MUC5AC: variants seen among roughly 807,000 people sequenced by gnomAD.
MUC5AC encodes mucin-5AC.
In MUC5AC, 158 loss-of-function variants were observed where a neutral mutation model predicts 169.7. The observed-to-expected ratio is 0.93, with a 90% confidence interval of 0.82 to 1.06. The LOEUF (loss-of-function observed/expected upper bound fraction) is 1.06. MUC5AC is among the 50% of genes least tolerant of loss of function. The pLI is 0.00. For missense variants in MUC5AC, 4,359 were observed against 3,089.9 expected (o/e 1.41, Z -9.74); for synonymous variants, 1,975 against 1,237.0 (o/e 1.60, Z -12.52).
Position 1,177,429 on chromosome 11 carries a change from C to A in MUC5AC, c.2908-25C>A, listed in dbSNP as rs1317800749. The A allele has an allele frequency of 1.0e-5, 4 of 400,314 alleles. No individual in the cohort carries two copies. The East Asian group carries it at 1.4e-4, about 14-fold the overall frequency. The allele number at this position is 400,314 out of a possible 1,614,324, so 24.8% of individuals were successfully genotyped here. A position where few individuals can be genotyped will look rare whatever the true frequency, so the allele number is the denominator to read the frequency against. On this transcript the variant is annotated intron_variant, in intron 23 of 48. Coordinates refer to ENST00000621226, the MANE Select transcript of MUC5AC (RefSeq NM_001304359.2). Reference sequence around the variant, plus strand: ...GGTGGGCTGGGGTTCTTGCTGGGGGCCCTGAGTGACCCCTTGCCATGCAGG... The same window carrying A: ...GGTGGGCTGGGGTTCTTGCTGGGGGACCTGAGTGACCCCTTGCCATGCAGG...
rs772205747 is a variant in MUC5AC at position 1,164,191 on chromosome 11, G to A, written c.875G>A (p.Arg292Lys). 2.8e-5 allele frequency: 45 copies of A among 1,612,468 alleles called. No homozygotes were observed. Among genetic ancestry groups the A allele is most frequent in the Non-Finnish European group, 3.6e-5 (43 of 1,179,886 alleles). The change falls in exon 8 of 49, where the codon AGG becomes AAG. Residue 292 changes from arginine to lysine, a missense_variant. By Grantham distance (26) the Arg-to-Lys change is conservative. Transcript: ENST00000621226. ...VDVGSYLEAC[R>K]QDLCFCEDTD... Reference sequence around the variant, plus strand: ...GTCGGCAGCTACCTGGAGGCTTGCAGGCAAGACCTCTGCTTCTGTGAAGAC... The same window carrying A: ...GTCGGCAGCTACCTGGAGGCTTGCAAGCAAGACCTCTGCTTCTGTGAAGAC...
chr11:1,191,184 C>T lies in MUC5AC; in HGVS notation c.13039C>T (p.Pro4347Ser), dbSNP rs1299410515. ...TTSGPGSTPS[P>S]VPTTSTTSAP... Reference sequence around the variant, plus strand: ...CTCTGGTCCTGGAAGTACTCCCAGCCCTGTTCCCACCACCAGCACAACCTC... The same window carrying T: ...CTCTGGTCCTGGAAGTACTCCCAGCTCTGTTCCCACCACCAGCACAACCTC... Residue 4347 changes from proline to serine, a missense_variant, in exon 31 of 49, where the codon CCT becomes TCT. Pro to Ser is a moderately conservative substitution (Grantham distance 74, BLOSUM62 -1). Coordinates refer to ENST00000621226, the MANE Select transcript of MUC5AC (RefSeq NM_001304359.2). 9.5e-6 allele frequency: 7 copies of T among 740,512 alleles called. No homozygotes were observed. The East Asian group carries it at 1.2e-4, about 13-fold the overall frequency. The allele number at this position is 740,512 out of a possible 1,614,324, so 45.9% of individuals were successfully genotyped here.
At position 1,195,062 on chromosome 11, in the gene MUC5AC, G is replaced by A. The variant is rs1473941698; in HGVS notation, c.15241G>A (p.Val5081Met). The A allele has an allele frequency of 1.3e-6, 1 of 754,342 alleles. No homozygotes were observed. 46.7% of individuals were successfully genotyped at this position (754,342 alleles called of 1,614,324 possible). A position where few individuals can be genotyped will look rare whatever the true frequency, so the allele number is the denominator to read the frequency against. ...TGAGTGCCGCACGCCTAGGGGGACG[G>A]TGGTCGCTTCCTGCTCCGAGATGTC... is the stretch of plus-strand genomic sequence containing the variant. ...KDECRTPRGT[V>M]VASCSEMSGL... The change falls in exon 36 of 49, where the codon GTG (valine) becomes ATG (methionine). Residue 5081 changes from valine (V) to methionine (M), a missense_variant. By Grantham distance (21) the Val-to-Met change is conservative. Transcript: ENST00000621226.
chr11:1,187,678 C>A lies in MUC5AC; in HGVS notation c.9533C>A (p.Thr3178Asn). Reference protein sequence around the residue: ...PRTSTTSASTTSTTPGPGTTP... With the variant: ...PRTSTTSASTNSTTPGPGTTP... ...ACCAGCACCACTTCTGCCTCTACAA[C>A]CAGCACAACCCCTGGTCCTGGAACC... Residue 3178 changes from threonine to asparagine, a missense_variant, in exon 31 of 49, where the codon ACC (threonine) becomes AAC (asparagine). Physicochemically the swap from Thr to Asn is moderately conservative, Grantham distance 65 (BLOSUM62 0). Coordinates refer to ENST00000621226, the MANE Select transcript of MUC5AC (RefSeq NM_001304359.2). 2.6e-6 allele frequency: 2 copies of A among 765,132 alleles called. No homozygotes were observed. The highest frequency in any genetic ancestry group is 4.8e-6 in the Non-Finnish European group (2 of 417,812). 47.4% of individuals were successfully genotyped at this position (765,132 alleles called of 1,614,324 possible). A position where few individuals can be genotyped will look rare whatever the true frequency, so the allele number is the denominator to read the frequency against.
intron 19 of MUC5AC, among the ~76,000 whole-genome samples, chr11:1,175,816 A>ACGCAC (rs1564911296): frequency 2.8e-5 from 3 of 106,176 alleles, no homozygotes; most frequent in African/African-American, 8.2e-5. Context: ...ACTCATGCAC[A>ACGCAC]CCACACCCAC....
At chr11:1,162,848 G>C (rs1202384759) in intron 5 of MUC5AC, 107 bp from the exon 6 acceptor site, 2 of 1,168,728 alleles carry the variant, frequency 1.7e-6, no homozygotes, top group South Asian at 1.2e-5. Context: ...GCTTTCGGGG[G>C]TGTCTCTTCC....
At chr11:1,181,219 G>A (rs1860808344) in intron 29 of MUC5AC, 37 bp downstream of exon 29, 2 of 398,518 alleles carry the variant, frequency 5.0e-6, no homozygotes, top group Non-Finnish European at 8.8e-6. Flanking sequence ...GGGGTCCGGG[G>A]GTCTCTGTCT....
intron 35 of MUC5AC, 143 bp downstream of exon 35, chr11:1,194,813 T>G (rs1861218804): frequency 1.6e-6 from 1 of 610,346 alleles, no homozygotes; most frequent in African/African-American, 1.8e-5. Flanking sequence ...GCATGAGGCT[T>G]ACGCCTGCCG....
Position 1,197,530 on chromosome 11 carries a change from G to T in MUC5AC, c.15924G>T (p.Leu5308=), listed in dbSNP as rs1053581846. Residue 5308 remains leucine, a synonymous_variant, in exon 41 of 49, where the codon CTG becomes CTT. Coordinates refer to ENST00000621226, the MANE Select transcript of MUC5AC (RefSeq NM_001304359.2). ...ECTCEAATWT[L]TCRPKLCPLP... is the part of the protein sequence containing the mutation. ...CGTGTGAGGCGGCCACGTGGACGCT[G>T]ACCTGCCGACCCAAGCTCTGCCCGC... The T allele has an allele frequency of 1.4e-6, 1 of 715,616 alleles. No individual in the cohort carries two copies. Among genetic ancestry groups the T allele is most frequent in the Non-Finnish European group, 2.5e-6 (1 of 394,026 alleles). 44.3% of individuals were successfully genotyped at this position (715,616 alleles called of 1,614,324 possible). A position where few individuals can be genotyped will look rare whatever the true frequency, so the allele number is the denominator to read the frequency against.
rs563461437 is a variant in MUC5AC, at chr11:1,199,110, C to T, written c.16320C>T (p.Ser5440=). 9.2e-6 allele frequency: 7 copies of T among 764,666 alleles called. No homozygotes were observed. Among genetic ancestry groups the T allele is most frequent in the Admixed American group, 5.1e-5 (3 of 58,970 alleles). The allele number at this position is 764,666 out of a possible 1,614,324, so 47.4% of individuals were successfully genotyped here. The change falls in exon 45 of 49, where the codon AGC becomes AGT. Residue 5440 remains serine, a synonymous_variant. Coordinates refer to ENST00000621226, the MANE Select transcript of MUC5AC (RefSeq NM_001304359.2). ...CPVGFEYQEQ[S]GQCCGTCVQV... is the part of the protein sequence containing the mutation. ...AGGGCTTCGAGTACCAGGAGCAGAG[C>T]GGGCAGTGCTGTGGCACCTGTGTGC... is the stretch of plus-strand genomic sequence containing the variant.
At chr11:1,175,344 G>A (rs983975247) in intron 19 of MUC5AC, 74 bp downstream of exon 19, 2 of 398,438 alleles carry the variant, frequency 5.0e-6, no homozygotes, top group African/African-American at 4.1e-5. Context: ...AATGGCTTCA[G>A]GGTTAGCCCC....
rs1590145119 is a variant in MUC5AC at position 1,184,857 on chromosome 11, A to G, written c.6712A>G (p.Thr2238Ala). The G allele has an allele frequency of 1.6e-6, 1 of 637,808 alleles. No individual in the cohort carries two copies. Among genetic ancestry groups the G allele is most frequent in the Non-Finnish European group, 2.8e-6 (1 of 357,244 alleles). 39.5% of individuals were successfully genotyped at this position (637,808 alleles called of 1,614,324 possible). The change falls in exon 31 of 49, where the codon ACC becomes GCC. Residue 2238 changes from threonine to alanine, a missense_variant. Thr to Ala is a moderately conservative substitution (Grantham distance 58). Coordinates refer to ENST00000621226, the MANE Select transcript of MUC5AC (RefSeq NM_001304359.2). ...TAPSTPSGRATSPTQSTSSWQ... is the reference protein window; with the variant it reads ...TAPSTPSGRAASPTQSTSSWQ... ...TCCTAGCACCCCTAGTGGGAGAGCC[A>G]CCAGCCCAACTCAGAGCACCTCCTC...
At position 1,180,125 on chromosome 11, in the gene MUC5AC, C is replaced by A; in HGVS notation, c.3588C>A (p.Cys1196Ter). The change falls in exon 27 of 49, where the codon TGC becomes TGA. Residue 1196 changes from cysteine to a stop codon, truncating the protein, a stop_gained. Coordinates refer to ENST00000621226, the MANE Select transcript of MUC5AC (RefSeq NM_001304359.2). LOFTEE classifies it high-confidence loss of function. ...LRTCRNPRGDCLRDVRGLEGC... is the reference protein window; with the variant it reads ...LRTCRNPRGD The stretch of plus-strand genomic sequence containing the variant: ...CCTGCCGGAACCCCCGTGGAGACTG[C>A]CTGCGGGACGTCCGGGGCCTGGAAG... The A allele has an allele frequency of 2.5e-6, 1 of 398,790 alleles. No individual in the cohort carries two copies. The highest frequency in any genetic ancestry group is 4.4e-6 in the Non-Finnish European group (1 of 226,136). 24.7% of individuals were successfully genotyped at this position (398,790 alleles called of 1,614,324 possible).
At chr11:1,193,171 G>A (rs1861168650) in intron 32 of MUC5AC, among the ~76,000 whole-genome samples, 189 bp downstream of exon 32, 1 of 152,246 alleles carries the variant, frequency 6.6e-6, no homozygotes, top group Admixed American at 6.5e-5. Context: ...CCAGGCACGT[G>A]CTTTCCAGAC....
In MUC5AC at chr11:1,191,978, T is replaced by A. The variant is rs1292575551; in HGVS notation, c.13833T>A (p.His4611Gln). 1 of 765,050 alleles carries A rather than the reference T, an allele frequency of 1.3e-6. No homozygotes were observed. Among genetic ancestry groups the A allele is most frequent in the African/African-American group, 1.7e-5 (1 of 59,106 alleles). 47.4% of individuals were successfully genotyped at this position (765,050 alleles called of 1,614,324 possible). Residue 4611 changes from histidine (H) to glutamine (Q), a missense_variant, in exon 31 of 49, where the codon CAT becomes CAA. By Grantham distance (24) the His-to-Gln change is conservative (BLOSUM62 0). Transcript: ENST00000621226. The stretch of plus-strand genomic sequence containing the variant: ...CTGTTTCAAAGACCAGCACAAGCCA[T>A]CTTTCTGTATCCAAGACAACCCACT... ...TTPVSKTSTSHLSVSKTTHSQ... is the reference protein window; with the variant it reads ...TTPVSKTSTSQLSVSKTTHSQ...
At chr11:1,162,243 C>T (rs1490282925) in intron 4 of MUC5AC, 75 bp downstream of exon 4, 28 of 1,554,992 alleles carry the variant, frequency 1.8e-5, no homozygotes, top group South Asian at 1.2e-4. Flanking sequence ...CGGGGTTTCG[C>T]GGTCCTGGGA....
chr11:1,162,927 TG>T, intron 5 of MUC5AC, 27 bp from the exon 6 acceptor site: 1 of 1,597,554 alleles, frequency 6.3e-7, no homozygotes, highest in Non-Finnish European at 8.6e-7. Flanking sequence ...CTGGTGGGGA[TG>T]GGTGTCTGAT....
chr11:1,197,796 C>T (rs1314935824), intron 41 of MUC5AC, 107 bp from the exon 42 acceptor site: 2 of 640,442 alleles, frequency 3.1e-6, no homozygotes, highest in South Asian at 1.7e-5. Context: ...TCTGGAGACC[C>T]CCGAGCGGGC....
Position 1,177,288 on chromosome 11 carries a change from G to A in MUC5AC, c.2851G>A (p.Val951Ile), listed in dbSNP as rs1004236140. The A allele has an allele frequency of 5.9e-5, 27 of 454,302 alleles. No individual in the cohort carries two copies. The highest frequency in any genetic ancestry group is 4.6e-4 in the South Asian group (6 of 13,146). 28.1% of individuals were successfully genotyped at this position (454,302 alleles called of 1,614,324 possible). ...CTCCTTTCGTGTTGTCACCGAGAAC[G>A]TCCCCTGCGGCACCACAGGGACCAC... Reference protein sequence around the residue: ...QDSFRVVTENVPCGTTGTTCS... With the variant: ...QDSFRVVTENIPCGTTGTTCS... Residue 951 changes from valine (V) to isoleucine (I), a missense_variant, in exon 23 of 49, where the codon GTC becomes ATC. Coordinates refer to ENST00000621226, the MANE Select transcript of MUC5AC (RefSeq NM_001304359.2).
Sources: allele counts gnomAD v4.1 joint callset (sites outside exome capture counted in the v4.1 genomes callset), GRCh38; gene constraint gnomAD v4.1.1; transcripts MANE v1.5; gene names NCBI Gene and HGNC (gene_info 2026-07-23, HGNC 2026-07-21).